The following DIS3L variants were observed in gnomAD, a reference collection of about 807,000 sequenced individuals.
The protein encoded by DIS3L is DIS3 like exosome 3'-5' exoribonuclease, also known as DIS3-like exonuclease 1.
DIS3L carries 100 observed loss-of-function variants against 120.3 expected under a neutral mutation model. The ratio of observed to expected loss-of-function variants is 0.83; its 90% CI spans 0.71 to 0.98. DIS3L has a LOEUF of 0.98. DIS3L is among the 50% of genes least tolerant of loss of function. DIS3L has a pLI of 0.00. For missense variants in DIS3L, 1,196 were observed against 1,314.2 expected (o/e 0.91, Z 1.39); for synonymous variants, 426 against 470.6 (o/e 0.91, Z 1.23).
chr15:66,293,798 G>T, intron 1 of DIS3L, 63 bp downstream of exon 1: 1 of 1,102,908 alleles, frequency 9.1e-7, no homozygotes, highest in South Asian at 4.4e-5. Flanking sequence ...GTGAGGGGCT[G>T]AGCGCGGCCG....
intron 2 of DIS3L, among the ~76,000 whole-genome samples, chr15:66,304,089 CAAAAA>C (rs34711611): frequency 1.4e-5 from 1 of 72,638 alleles, no homozygotes. Context: ...GACTCTGTTT[CAAAAA>C]AAAAAAAAAA....
intron 6 of DIS3L, 153 bp from the exon 7 acceptor site, chr15:66,314,883 C>A (rs2140365601): frequency 2.8e-6 from 2 of 712,840 alleles, no homozygotes; most frequent in East Asian, 2.7e-5. Context: ...TCATTCCTAA[C>A]CTGCAGAACA....
In DIS3L at chr15:66,332,720, T is replaced by A. The variant is rs778189039; in HGVS notation, c.2682-16T>A. On this transcript the variant is annotated splice_polypyrimidine_tract_variant and intron_variant, in intron 15 of 16. Coordinates refer to ENST00000319212, the MANE Select transcript of DIS3L (RefSeq NM_001143688.3). ...GAATACATTGTCTCTGGATTTATAT[T>A]CTGGTCATAATATAGGTTTGGGATT... The A allele has an allele frequency of 2.6e-5, 41 of 1,595,320 alleles. No homozygotes were observed. Among genetic ancestry groups the A allele is most frequent in the Admixed American group, 3.5e-5 (2 of 56,564 alleles).
intron 14 of DIS3L, 155 bp from the exon 15 acceptor site, chr15:66,331,720 G>T: frequency 1.3e-6 from 1 of 776,594 alleles, no homozygotes; most frequent in Non-Finnish European, 1.8e-6. Flanking sequence ...ATACTAGATG[G>T]TTAAGTTCCC....
At position 66,326,272 on chromosome 15, in the gene DIS3L, G is replaced by A. The variant is rs1034556150; in HGVS notation, c.2109G>A (p.Gln703=). ...AGATCTGGGAGAGCTTCCCTCATCA[G>A]GCCTTGCTGCGCCAGCACCCTCCTC... is the stretch of plus-strand genomic sequence containing the variant. ...AKKIWESFPH[Q]ALLRQHPPPH... Residue 703 remains glutamine (Q), a synonymous_variant, in exon 12 of 17, where the codon CAG becomes CAA. Transcript: ENST00000319212. 6.2e-7 allele frequency: 1 copy of A among 1,614,090 alleles called. No individual in the cohort carries two copies. The highest frequency in any genetic ancestry group is 1.3e-5 in the African/African-American group (1 of 75,010).
chr15:66,320,887 T>C (rs1159200932), intron 9 of DIS3L, among the ~76,000 whole-genome samples, 155 bp downstream of exon 9: 2 of 152,208 alleles, frequency 1.3e-5, no homozygotes, highest in Non-Finnish European at 2.9e-5. Context: ...ATTCTATATT[T>C]GGACCAAACT....
intron 4 of DIS3L, 143 bp downstream of exon 4, chr15:66,308,987 G>A: frequency 7.6e-6 from 6 of 789,728 alleles, no homozygotes; most frequent in Non-Finnish European, 1.1e-5. Context: ...GCTCATGCCT[G>A]TAATCCCAGC....
At chr15:66,315,266 A>G (rs2092806013) in intron 7 of DIS3L, 51 bp downstream of exon 7, 5 of 1,527,450 alleles carry the variant, frequency 3.3e-6, no homozygotes, top group African/African-American at 2.8e-5. Context: ...GTGGAATTAT[A>G]TTTGTCTCCT....
chr15:66,328,401 A>T (rs2092961055), intron 12 of DIS3L, among the ~76,000 whole-genome samples: 1 of 151,900 alleles, frequency 6.6e-6, no homozygotes, highest in South Asian at 2.1e-4. Flanking sequence ...TGAAATTATT[A>T]TTTTGAGGCT....
At chr15:66,302,350 G>A (rs1268277200) in intron 2 of DIS3L, among the ~76,000 whole-genome samples, 2 of 152,082 alleles carry the variant, frequency 1.3e-5, no homozygotes, top group African/African-American at 4.8e-5. Context: ...CTGAGCAACA[G>A]AGCGAGTTCC....
Position 66,311,762 on chromosome 15 carries a change from C to T in DIS3L, c.597C>T (p.Ala199=), listed in dbSNP as rs2092763878. 6.2e-7 allele frequency: 1 copy of T among 1,614,042 alleles called. No individual in the cohort carries two copies. Among genetic ancestry groups the T allele is most frequent in the African/African-American group, 1.3e-5 (1 of 74,988 alleles). Residue 199 remains alanine (A), a synonymous_variant, in exon 5 of 17, where the codon GCC becomes GCT. Transcript: ENST00000319212. ...LDNFWPDLKA[A]HELCDSILQS... ...ATTTCTGGCCTGATTTAAAAGCTGCCCACGAGCTTTGTGATTCTATCCTTC... is the reference window on the plus strand; with the variant it reads ...ATTTCTGGCCTGATTTAAAAGCTGCTCACGAGCTTTGTGATTCTATCCTTC...
chr15:66,320,422 C>CAAA (rs112874647), intron 8 of DIS3L, 149 bp from the exon 9 acceptor site: 50 of 685,236 alleles, frequency 7.3e-5, no homozygotes, highest in Middle Eastern at 4.1e-4. Flanking sequence ...GAATGAAAAA[C>CAAA]AAAAAAAAAA....
intron 9 of DIS3L, 119 bp from the exon 10 acceptor site, chr15:66,322,568 A>G: frequency 6.8e-7 from 1 of 1,460,384 alleles, no homozygotes; most frequent in Non-Finnish European, 9.3e-7. Flanking sequence ...ACATAGGTTG[A>G]TGAAGAAGGT....
At position 66,309,094 on chromosome 15, in the gene DIS3L, A is replaced by AAAAAAAAAAAAAAAAAATATAT; in HGVS notation, c.558+251_558+252insAAAAAAAAAAAAAAAATATATA. On this transcript the variant is annotated intron_variant, in intron 4 of 16. Coordinates refer to ENST00000319212, the MANE Select transcript of DIS3L (RefSeq NM_001143688.3). ...CTTGTCTCTACAGAAAAAAAAAAAA[A>AAAAAAAAAAAAAAAAAATATAT]ATATATATATCTCCAAGCATGGTGG... is the stretch of plus-strand genomic sequence containing the variant. Among the ~76,000 whole-genome samples, 9 of 15,320 alleles carry AAAAAAAAAAAAAAAAAATATAT rather than the reference A, an allele frequency of 5.9e-4. 3 individuals carry two copies. The highest frequency in any genetic ancestry group is 7.2e-4 in the Non-Finnish European group (6 of 8,310). The allele number at this position is 15,320 out of a possible 152,430, so 10.1% of individuals were successfully genotyped here.
In DIS3L at chr15:66,293,612, G is replaced by C. The variant is rs1367517378; in HGVS notation, c.16G>C (p.Glu6Gln). Residue 6 changes from glutamate (E) to glutamine (Q), a missense_variant, in exon 1 of 17, where the codon GAG becomes CAG. Transcript: ENST00000319212. ...ACACGCCGCCATGCTGCAGAAGCGG[G>C]AGAAGGTGCTGCTGCTGAGGACCTT... The part of the protein sequence containing the change: MLQKR[E>Q]KVLLLRTFQG... 3.5e-6 allele frequency: 5 copies of C among 1,444,816 alleles called. No individual in the cohort carries two copies. The highest frequency in any genetic ancestry group is 6.4e-5 in the East Asian group (2 of 31,080). 89.5% of individuals were successfully genotyped at this position (1,444,816 alleles called of 1,614,324 possible). A position where few individuals can be genotyped will look rare whatever the true frequency, so the allele number is the denominator to read the frequency against.
At chr15:66,325,653 G>A (rs530069981) in intron 11 of DIS3L, among the ~76,000 whole-genome samples, 178 bp from the exon 12 acceptor site, 2 of 152,170 alleles carry the variant, frequency 1.3e-5, no homozygotes, top group South Asian at 2.1e-4. Context: ...ACCTGTAATC[G>A]CAGCACTTTG....
upstream of DIS3L, chr15:66,293,377 T>C: frequency 1.1e-6 from 1 of 897,008 alleles, no homozygotes. Flanking sequence ...GGTAGGTCGT[T>C]TCCACCCCTC....
intron 7 of DIS3L, among the ~76,000 whole-genome samples, chr15:66,317,836 T>C (rs1387883640): frequency 6.9e-6 from 1 of 144,768 alleles, no homozygotes; most frequent in Non-Finnish European, 1.5e-5. Context: ...TGAGATCCTG[T>C]TTCTTAAAAA....
chr15:66,326,427 G>T, intron 12 of DIS3L, 63 bp downstream of exon 12: 1 of 1,514,024 alleles, frequency 6.6e-7, no homozygotes, highest in Non-Finnish European at 8.9e-7. Context: ...TTATCTTACA[G>T]TTGTTCTTAA....
Sources: allele counts gnomAD v4.1 joint callset (sites outside exome capture counted in the v4.1 genomes callset), GRCh38; gene constraint gnomAD v4.1.1; transcripts MANE v1.5; gene names NCBI Gene and HGNC (gene_info 2026-07-23, HGNC 2026-07-21).